Variants in ANKRD11 observed in about 807,000 individuals in gnomAD.
ANKRD11 encodes ankyrin repeat domain-containing protein 11.
A neutral mutation model predicts 195.7 loss-of-function variants in ANKRD11; 17 were observed. That is an observed-to-expected ratio of 0.09 (90% CI 0.06 to 0.13). The LOEUF (loss-of-function observed/expected upper bound fraction) is 0.13. ANKRD11 is among the 10% of genes least tolerant of loss of function. The pLI is 1.00. For synonymous variants in ANKRD11, 1,953 were observed against 1,528.1 expected (o/e 1.28, Z -6.49); for missense variants, 3,735 against 3,566.1 (o/e 1.05, Z -1.21).
intron 1 of ANKRD11, among the ~76,000 whole-genome samples, chr16:89,470,638 G>A (rs1225474202): frequency 6.6e-6 from 1 of 151,910 alleles, no homozygotes; most frequent in South Asian, 2.1e-4. Context: ...AAGGTCAGGA[G>A]ATCGAGACCA....
intron 1 of ANKRD11, among the ~76,000 whole-genome samples, chr16:89,438,448 T>C (rs2043307796): frequency 6.6e-6 from 1 of 151,892 alleles, no homozygotes; most frequent in South Asian, 2.1e-4. Context: ...CCCACCCGAG[T>C]AGCTGGGACT....
intron 1 of ANKRD11, among the ~76,000 whole-genome samples, chr16:89,442,873 G>A (rs540162281): frequency 5.2e-4 from 79 of 152,254 alleles, no homozygotes; most frequent in African/African-American, 1.6e-3. Context: ...CACCTCCCAC[G>A]GGCCCTGACA....
chr16:89,360,150 A>C (rs2039670899), intron 2 of ANKRD11, among the ~76,000 whole-genome samples: 1 of 152,178 alleles, frequency 6.6e-6, no homozygotes, highest in Admixed American at 6.5e-5. Flanking sequence ...AAGTCAGAAC[A>C]TGTAGTATTT....
At chr16:89,453,175 T>C (rs1242108177) in intron 1 of ANKRD11, among the ~76,000 whole-genome samples, 1 of 152,218 alleles carries the variant, frequency 6.6e-6, no homozygotes, top group Non-Finnish European at 1.5e-5. Context: ...TTGGCTCCTT[T>C]TTGTTTTTAT....
intron 9 of ANKRD11, chr16:89,278,714 G>A (rs3102367): frequency 0.65 from 321,373 of 493,762 alleles, 109,755 homozygotes; most frequent in Non-Finnish European, 0.74. Flanking sequence ...GGAGACACAG[G>A]GGGTGGCTCT....
At chr16:89,490,085 G>A (rs1368661437) in intron 1 of ANKRD11, among the ~76,000 whole-genome samples, 160 bp downstream of exon 1, 3 of 123,608 alleles carry the variant, frequency 2.4e-5, no homozygotes, top group Admixed American at 8.0e-5. Flanking sequence ...CGATCGCCCC[G>A]GGCCCCCAAA....
Position 89,317,204 on chromosome 16 carries a change from C to A in ANKRD11, c.-59-126G>T, listed in dbSNP as rs908926850. On this transcript the variant is annotated intron_variant, in intron 2 of 12. Transcript: ENST00000301030. ...GCAGCTGCTCTGATCAGGGCTGGGG[C>A]CCGGGCCAGGCCCAGGAAGGGACTT... 35 of 743,692 alleles carry A rather than the reference C, an allele frequency of 4.7e-5. 1 individual carries two copies. The Admixed American group carries it at 6.8e-4, about 14-fold the overall frequency. 46.1% of individuals were successfully genotyped at this position (743,692 alleles called of 1,614,324 possible). A position where few individuals can be genotyped will look rare whatever the true frequency, so the allele number is the denominator to read the frequency against.
At chr16:89,340,951 G>A (rs1251617563) in intron 2 of ANKRD11, among the ~76,000 whole-genome samples, 1 of 152,146 alleles carries the variant, frequency 6.6e-6, no homozygotes, top group Non-Finnish European at 1.5e-5. Context: ...GTGAACATCA[G>A]CCAATAGAGT....
intron 2 of ANKRD11, among the ~76,000 whole-genome samples, chr16:89,374,516 T>C (rs1406198788): frequency 6.6e-6 from 1 of 152,180 alleles, no homozygotes; most frequent in Non-Finnish European, 1.5e-5. Context: ...TGTGAGAGAA[T>C]TCAGAGCCGA....
At chr16:89,424,838 C>T (rs147582317) in intron 1 of ANKRD11, among the ~76,000 whole-genome samples, 6 of 152,210 alleles carry the variant, frequency 3.9e-5, no homozygotes, top group African/African-American at 1.2e-4. Flanking sequence ...GACGGGGGCC[C>T]CCAGTGGTGA....
chr16:89,448,264 A>T (rs763590762), intron 1 of ANKRD11, among the ~76,000 whole-genome samples: 1 of 152,230 alleles, frequency 6.6e-6, no homozygotes, highest in Non-Finnish European at 1.5e-5. Flanking sequence ...GGGAGAATAT[A>T]TGTGCAAATT....
intron 1 of ANKRD11, chr16:89,420,288 T>TA (rs1056721732): frequency 6.6e-6 from 1 of 152,092 alleles, no homozygotes; most frequent in Non-Finnish European, 1.5e-5. Context: ...GCATCATGAG[T>TA]CCAACGATTT....
chr16:89,481,819 C>T (rs1371999606), intron 1 of ANKRD11, among the ~76,000 whole-genome samples: 2 of 152,100 alleles, frequency 1.3e-5, no homozygotes, highest in African/African-American at 4.8e-5. Flanking sequence ...GCCTTCCCAG[C>T]CTTTGTCCCC....
chr16:89,450,083 T>C (rs897009646), intron 1 of ANKRD11, among the ~76,000 whole-genome samples: 3 of 152,140 alleles, frequency 2.0e-5, no homozygotes, highest in African/African-American at 4.8e-5. Flanking sequence ...TTGCAAACAA[T>C]TGTGTTACTG....
At chr16:89,374,247 T>C (rs2040320399) in intron 2 of ANKRD11, among the ~76,000 whole-genome samples, 1 of 152,196 alleles carries the variant, frequency 6.6e-6, no homozygotes, top group Admixed American at 6.5e-5. Context: ...CAATGAGATT[T>C]TATGCTTATT....
At chr16:89,323,028 G>A (rs2037430353) in intron 2 of ANKRD11, 1 of 310,054 alleles carries the variant, frequency 3.2e-6, no homozygotes, top group South Asian at 2.5e-5. Flanking sequence ...ACTTTCTGTG[G>A]AGTCGGGTTT....
intron 2 of ANKRD11, chr16:89,360,731 T>C (rs1164515711): frequency 2.0e-5 from 3 of 152,366 alleles, no homozygotes; most frequent in South Asian, 2.1e-4. Flanking sequence ...CAGGTGTGTG[T>C]GTCTGTCATG....
intron 1 of ANKRD11, among the ~76,000 whole-genome samples, chr16:89,433,859 G>A (rs1253870862): frequency 6.6e-6 from 1 of 152,226 alleles, no homozygotes; most frequent in Admixed American, 6.5e-5. Flanking sequence ...GGAGAGAAAA[G>A]GGGCTGCTCT....
At chr16:89,478,098 C>A (rs956496580) in intron 1 of ANKRD11, among the ~76,000 whole-genome samples, 1 of 152,042 alleles carries the variant, frequency 6.6e-6, no homozygotes, top group African/African-American at 2.4e-5. Context: ...ATGAGAGGAG[C>A]GCTTAATAAA....
Sources: gnomAD v4.1 joint callset for allele counts (sites outside exome capture counted in the v4.1 genomes callset) on GRCh38, gnomAD v4.1.1 for gene constraint, MANE v1.5 for transcripts, NCBI Gene and HGNC (gene_info 2026-07-23, HGNC 2026-07-21) for gene names.